Variants in KIAA1671 observed in about 807,000 individuals in gnomAD.
KIAA1671 encodes KIAA1671, also known as uncharacterized protein KIAA1671.
A neutral mutation model predicts 131.2 loss-of-function variants in KIAA1671; 52 were observed. The ratio of observed to expected loss-of-function variants is 0.40; its 90% CI spans 0.32 to 0.50. The LOEUF (loss-of-function observed/expected upper bound fraction) is 0.50. KIAA1671 is among the 20% of genes least tolerant of loss of function. KIAA1671 has a pLI of 0.73. For synonymous variants in KIAA1671, 1,003 were observed against 961.6 expected (o/e 1.04, Z -0.80); for missense variants, 2,360 against 2,364.2 (o/e 1.00, Z 0.04).
At position 25,028,824 on chromosome 22, in the gene KIAA1671, G is replaced by T. The variant is rs1026248106; in HGVS notation, c.825G>T (p.Thr275=). 8 of 1,550,848 alleles carry T rather than the reference G, an allele frequency of 5.2e-6. No homozygotes were observed. In the African/African-American group the frequency reaches 5.5e-5, roughly 11 times the overall value. Residue 275 remains threonine, a synonymous_variant, in exon 3 of 13, where the codon ACG becomes ACT. Coordinates refer to ENST00000358431, the MANE Select transcript of KIAA1671 (RefSeq NM_001145206.2). ...GKVPPTPPEK[T]WVRKPRPLSM... is the part of the protein sequence containing the mutation. ...TGCCACCCACCCCTCCCGAGAAGAC[G>T]TGGGTGAGGAAGCCCAGGCCCTTGT...
intron 4 of KIAA1671, among the ~76,000 whole-genome samples, chr22:25,034,078 G>C (rs1283630534): frequency 7.7e-6 from 1 of 130,462 alleles, no homozygotes; most frequent in Non-Finnish European, 1.6e-5. Context: ...ACGGAGTTTT[G>C]CTTGTTGCCC....
At chr22:25,170,713 G>T in intron 6 of KIAA1671, 107 bp from the exon 7 acceptor site, 2 of 1,075,858 alleles carry the variant, frequency 1.9e-6, no homozygotes, top group Non-Finnish European at 2.8e-6. Flanking sequence ...CGGGTTGCTG[G>T]GATGGGTTTG....
At chr22:25,005,950 GCATACCTAGCATCGTGT>G (rs1924727224) in intron 1 of KIAA1671, among the ~76,000 whole-genome samples, 1 of 152,180 alleles carries the variant, frequency 6.6e-6, no homozygotes, top group Non-Finnish European at 1.5e-5. Flanking sequence ...CTCTCCAACA[GCATACCTAGCATCGTGT>G]GCCTGTGGAG....
intron 10 of KIAA1671, among the ~76,000 whole-genome samples, chr22:25,183,802 G>A (rs889743602): frequency 1.3e-5 from 2 of 150,028 alleles, no homozygotes; most frequent in Admixed American, 6.7e-5. Context: ...GATTACAGGC[G>A]TGAGCCACCG....
intron 4 of KIAA1671, among the ~76,000 whole-genome samples, chr22:25,035,759 A>C (rs1926555184): frequency 6.6e-6 from 1 of 152,212 alleles, no homozygotes; most frequent in Admixed American, 6.5e-5. Context: ...TGGGTTGGGC[A>C]AGTTCATTAT....
At position 25,038,907 on chromosome 22, in the gene KIAA1671, GC is replaced by G; in HGVS notation, c.1781del (p.Pro594ArgfsTer72). The G allele has an allele frequency of 1.3e-6, 2 of 1,551,658 alleles. No individual in the cohort carries two copies. Among genetic ancestry groups the G allele is most frequent in the Non-Finnish European group, 1.7e-6 (2 of 1,147,002 alleles). ...CTGTCGCGGTGGAAGCTCAGTGGAGGCCCCGTGCCCTTCTGACGTCACTCCA... is the reference window on the plus strand; with the variant it reads ...CTGTCGCGGTGGAAGCTCAGTGGAGGCCCGTGCCCTTCTGACGTCACTCCA... ...DSCRGGSSVEAPCPSDVTPED... is the reference protein window; with the variant it reads ...DSCRGGSSVEXPCPSDVTPED... On this transcript the variant is annotated frameshift_variant, in exon 5 of 13. Coordinates refer to ENST00000358431, the MANE Select transcript of KIAA1671 (RefSeq NM_001145206.2). LOFTEE classifies it high-confidence loss of function.
At position 25,121,477 on chromosome 22, in the gene KIAA1671, A is replaced by T. The variant is rs945718804; in HGVS notation, c.4531-49343A>T. ...ACTCCATCTCAAAAAAAAAAAAAAAAAGAGAATGGAGTCTTTAGCAAGAGA... is the reference window on the plus strand; with the variant it reads ...ACTCCATCTCAAAAAAAAAAAAAAATAGAGAATGGAGTCTTTAGCAAGAGA... On this transcript the variant is annotated intron_variant, in intron 6 of 12. Transcript: ENST00000358431. 1.2e-4 allele frequency among the ~76,000 whole-genome samples: 18 copies of T among 152,090 alleles called. No homozygotes were observed. In the East Asian group the frequency reaches 3.1e-3, roughly 26 times the overall value.
intron 6 of KIAA1671, among the ~76,000 whole-genome samples, chr22:25,082,103 G>A (rs946872485): frequency 1.3e-5 from 2 of 152,116 alleles, no homozygotes; most frequent in Admixed American, 6.5e-5. Context: ...AGCTGAAAAA[G>A]GACTCAGATT....
intron 3 of KIAA1671, among the ~76,000 whole-genome samples, chr22:25,031,418 G>A (rs1421573721): frequency 3.3e-5 from 5 of 151,904 alleles, no homozygotes; most frequent in Admixed American, 6.6e-5. Flanking sequence ...GGATGGTCTC[G>A]ATCTCCTGAC....
chr22:25,169,796 C>T (rs1049630642), intron 6 of KIAA1671, among the ~76,000 whole-genome samples: 1 of 152,234 alleles, frequency 6.6e-6, no homozygotes, highest in Non-Finnish European at 1.5e-5. Flanking sequence ...AGGGCCGAGA[C>T]CAGCAACAGA....
At chr22:24,993,020 G>A (rs1438712189) in intron 1 of KIAA1671, among the ~76,000 whole-genome samples, 3 of 151,902 alleles carry the variant, frequency 2.0e-5, no homozygotes, top group African/African-American at 7.3e-5. Flanking sequence ...ACCAACCAAA[G>A]CTGTCTCCTG....
intron 6 of KIAA1671, among the ~76,000 whole-genome samples, chr22:25,165,352 T>C (rs962055553): frequency 2.6e-5 from 4 of 152,278 alleles, no homozygotes; most frequent in East Asian, 1.9e-4. Context: ...ATAGCTACTA[T>C]GTGGTGGTCT....
intron 6 of KIAA1671, among the ~76,000 whole-genome samples, chr22:25,142,793 C>T (rs773355971): frequency 1.3e-5 from 2 of 152,148 alleles, no homozygotes; most frequent in African/African-American, 2.4e-5. Flanking sequence ...TACTTGAACC[C>T]GGGAGGTAGA....
intron 1 of KIAA1671, among the ~76,000 whole-genome samples, chr22:24,967,237 T>C (rs1478781389): frequency 6.6e-6 from 1 of 152,218 alleles, no homozygotes; most frequent in South Asian, 2.1e-4. Flanking sequence ...AGGGAGGTAC[T>C]GTTAGGTGCC....
chr22:25,144,638 T>C (rs1932850645), intron 6 of KIAA1671, among the ~76,000 whole-genome samples: 1 of 152,150 alleles, frequency 6.6e-6, no homozygotes, highest in Non-Finnish European at 1.5e-5. Flanking sequence ...CCTAAACAAA[T>C]ATTTGTGCAG....
At chr22:25,053,545 GTTA>G (rs1469128634) in intron 6 of KIAA1671, 1 of 152,170 alleles carries the variant, frequency 6.6e-6, no homozygotes, top group Admixed American at 6.5e-5. Flanking sequence ...AAACCTATTG[GTTA>G]GCATATGCTG....
At chr22:25,159,372 G>A (rs746953814) in intron 6 of KIAA1671, among the ~76,000 whole-genome samples, 1 of 152,160 alleles carries the variant, frequency 6.6e-6, no homozygotes, top group Non-Finnish European at 1.5e-5. Context: ...TGCGATGTAG[G>A]ACCTTCCCCG....
chr22:25,007,378 G>A (rs1382475043), intron 1 of KIAA1671, among the ~76,000 whole-genome samples: 2 of 151,970 alleles, frequency 1.3e-5, no homozygotes, highest in Non-Finnish European at 2.9e-5. Flanking sequence ...CTCAGCTACT[G>A]GGGAAGCTGA....
intron 6 of KIAA1671, among the ~76,000 whole-genome samples, chr22:25,079,939 G>C (rs1241770975): frequency 6.6e-6 from 1 of 152,126 alleles, no homozygotes; most frequent in Admixed American, 6.5e-5. Flanking sequence ...GGAGATGATG[G>C]CCGCTCAGAC....
Sources: allele counts gnomAD v4.1 joint callset (sites outside exome capture counted in the v4.1 genomes callset), GRCh38; gene constraint gnomAD v4.1.1; transcripts MANE v1.5; gene names NCBI Gene and HGNC (gene_info 2026-07-23, HGNC 2026-07-21).